The following CUBN variants were observed in gnomAD, a reference collection of about 807,000 sequenced individuals.
CUBN encodes cubilin.
CUBN carries 282 observed loss-of-function variants against 405.3 expected under a neutral mutation model. The observed-to-expected ratio is 0.70, with a 90% CI of 0.63 to 0.77. The LOEUF is 0.77. Ranked by LOEUF, CUBN falls within the 30% of genes least tolerant of loss-of-function variation. The pLI is 0.00. For missense variants in CUBN, 4,514 were observed against 4,475.2 expected (o/e 1.01, Z -0.25); for synonymous variants, 1,684 against 1,617.0 (o/e 1.04, Z -0.99).
At chr10:16,973,560 G>A (rs1833002976) in intron 31 of CUBN, among the ~76,000 whole-genome samples, 1 of 152,126 alleles carries the variant, frequency 6.6e-6, no homozygotes, top group Non-Finnish European at 1.5e-5. Flanking sequence ...CCTGTCATGG[G>A]GGTTTGGTGT....
intron 31 of CUBN, among the ~76,000 whole-genome samples, chr10:16,974,477 G>A (rs1833032093): frequency 6.6e-6 from 1 of 151,768 alleles, no homozygotes; most frequent in South Asian, 2.1e-4. Flanking sequence ...AGGCTGGAGT[G>A]CAGTGGCGTG....
At chr10:16,834,796 C>T (rs368415810) in intron 64 of CUBN, among the ~76,000 whole-genome samples, 27 of 152,302 alleles carry the variant, frequency 1.8e-4, no homozygotes, top group African/African-American at 5.8e-4. Flanking sequence ...TCTGTCCTTC[C>T]TGCCAGACTA....
At chr10:17,066,670 T>A (rs555296072) in intron 21 of CUBN, among the ~76,000 whole-genome samples, 1 of 152,046 alleles carries the variant, frequency 6.6e-6, no homozygotes, top group Admixed American at 6.6e-5. Context: ...GTTCTGTATT[T>A]TGCAGTGGTG....
intron 28 of CUBN, among the ~76,000 whole-genome samples, chr10:17,001,966 T>G (rs756576331): frequency 6.6e-6 from 1 of 152,238 alleles, no homozygotes; most frequent in Non-Finnish European, 1.5e-5. Flanking sequence ...TGGTAGTTAC[T>G]GTCCTCCACC....
intron 27 of CUBN, among the ~76,000 whole-genome samples, chr10:17,038,638 A>G (rs928413980): frequency 2.6e-5 from 4 of 152,194 alleles, no homozygotes; most frequent in African/African-American, 7.2e-5. Flanking sequence ...AGTCAGCTGA[A>G]AAAACCCAGA....
At chr10:17,051,878 AG>A (rs1345711728) in intron 22 of CUBN, among the ~76,000 whole-genome samples, 1 of 152,080 alleles carries the variant, frequency 6.6e-6, no homozygotes, top group Non-Finnish European at 1.5e-5. Context: ...GGGCCAAAAA[AG>A]GAGAAGGAAA....
At chr10:17,127,049 G>A (rs562508019) in intron 3 of CUBN, among the ~76,000 whole-genome samples, 72 of 151,818 alleles carry the variant, frequency 4.7e-4, no homozygotes, top group African/African-American at 1.6e-3. Flanking sequence ...TAAGTTGACC[G>A]ATTGCTTCTC....
chr10:16,935,090 A>G (rs2131597876), intron 39 of CUBN, among the ~76,000 whole-genome samples: 1 of 152,218 alleles, frequency 6.6e-6, no homozygotes, highest in South Asian at 2.1e-4. Flanking sequence ...TCATGTACCC[A>G]TTTAATTACG....
At chr10:16,841,586 TA>T (rs1364361648) in intron 60 of CUBN, among the ~76,000 whole-genome samples, 1 of 152,194 alleles carries the variant, frequency 6.6e-6, no homozygotes, top group African/African-American at 2.4e-5. Context: ...CTGACCTTTC[TA>T]ATCTAATTTC....
At chr10:16,885,015 C>T (rs56727347) in intron 56 of CUBN, among the ~76,000 whole-genome samples, 5,330 of 152,244 alleles carry the variant, frequency 0.035, 308 homozygotes, top group African/African-American at 0.12. Flanking sequence ...CTATGACCTT[C>T]CTTCAGAGCA....
intron 31 of CUBN, among the ~76,000 whole-genome samples, chr10:16,970,153 A>G (rs2131668712): frequency 6.6e-6 from 1 of 152,346 alleles, no homozygotes; most frequent in African/African-American, 2.4e-5. Context: ...CCGAAGGGGA[A>G]AGTAATGAAG....
At position 17,052,728 on chromosome 10, in the gene CUBN, C is replaced by G. The variant is rs537045347; in HGVS notation, c.3140-5125G>C. On this transcript the variant is annotated intron_variant, in intron 22 of 66. Coordinates refer to ENST00000377833, the MANE Select transcript of CUBN (RefSeq NM_001081.4). ...TGAGCTGGGAGCTTGCCACTGCACT[C>G]CAGCCTGGGCAACAGACTGAGACTC... 2.1e-4 allele frequency among the ~76,000 whole-genome samples: 26 copies of G among 122,722 alleles called. No homozygotes were observed. In the South Asian group the frequency reaches 6.8e-3, roughly 32 times the overall value. The allele number at this position is 122,722 out of a possible 152,430, so 80.5% of individuals were successfully genotyped here.
intron 64 of CUBN, among the ~76,000 whole-genome samples, chr10:16,833,351 A>G (rs1321499570): frequency 6.6e-6 from 1 of 152,190 alleles, no homozygotes; most frequent in African/African-American, 2.4e-5. Flanking sequence ...CCTGCTATAT[A>G]CATCTTTCGG....
chr10:16,883,814 C>A (rs564158278), intron 56 of CUBN, among the ~76,000 whole-genome samples: 5 of 152,126 alleles, frequency 3.3e-5, no homozygotes, highest in African/African-American at 1.2e-4. Flanking sequence ...ACGAGCTAAG[C>A]GCTGCTGCAC....
intron 28 of CUBN, among the ~76,000 whole-genome samples, chr10:17,017,270 A>G (rs552376450): frequency 6.6e-6 from 1 of 152,250 alleles, no homozygotes; most frequent in East Asian, 1.9e-4. Context: ...CTCCTAGACC[A>G]CAAGGAGGAC....
intron 7 of CUBN, 83 bp from the exon 8 acceptor site, chr10:17,114,272 C>A: frequency 7.3e-7 from 1 of 1,360,954 alleles, no homozygotes; most frequent in Non-Finnish European, 1.0e-6. Context: ...AAGCCCCTAA[C>A]TGTTTATCCT....
intron 26 of CUBN, among the ~76,000 whole-genome samples, chr10:17,043,381 A>G (rs1228030851): frequency 6.6e-6 from 1 of 152,186 alleles, no homozygotes; most frequent in African/African-American, 2.4e-5. Flanking sequence ...GGTACTTTTT[A>G]AGGTAGAGAC....
rs557673231 is a variant in CUBN, at chr10:17,103,111, G to T, written c.1530+14C>A. On this transcript the variant is annotated intron_variant, in intron 13 of 66. Coordinates refer to ENST00000377833, the MANE Select transcript of CUBN (RefSeq NM_001081.4). ...AAATATAATATGCATTTGGGCAAGA[G>T]TTACTACATTTACCTTTCCCATTTC... is the stretch of plus-strand genomic sequence containing the variant. 12 of 1,451,486 alleles carry T rather than the reference G, an allele frequency of 8.3e-6. No individual in the cohort carries two copies. The African/African-American group carries it at 1.5e-4, about 19-fold the overall frequency. The allele number at this position is 1,451,486 out of a possible 1,614,324, so 89.9% of individuals were successfully genotyped here. A position where few individuals can be genotyped will look rare whatever the true frequency, so the allele number is the denominator to read the frequency against.
intron 59 of CUBN, 152 bp from the exon 60 acceptor site, chr10:16,851,595 C>T (rs1839688415): frequency 1.3e-6 from 1 of 753,672 alleles, no homozygotes; most frequent in East Asian, 2.7e-5. Context: ...TCCTTTCCTC[C>T]CTCCCTCTTT....
Sources: gnomAD v4.1 joint callset for allele counts (sites outside exome capture counted in the v4.1 genomes callset) on GRCh38, gnomAD v4.1.1 for gene constraint, MANE v1.5 for transcripts, NCBI Gene and HGNC (gene_info 2026-07-23, HGNC 2026-07-21) for gene names.